Variants in WDR59 observed in about 807,000 individuals in gnomAD.
The protein encoded by WDR59 is GATOR2 complex protein WDR59.
A neutral mutation model predicts 131.2 loss-of-function variants in WDR59; 100 were observed. The observed-to-expected ratio is 0.76, with a 90% CI of 0.65 to 0.90. WDR59 has a LOEUF of 0.90. WDR59 is among the 40% of genes least tolerant of loss of function. WDR59 has a pLI of 0.00. For synonymous variants in WDR59, 601 were observed against 466.2 expected (o/e 1.29, Z -3.72); for missense variants, 1,203 against 1,262.2 (o/e 0.95, Z 0.71).
rs534928613 is a variant in WDR59, at chr16:74,972,092, A to G, written c.55-6270T>C. Among the ~76,000 whole-genome samples the G allele has an allele frequency of 2.9e-4, 44 of 152,328 alleles. No individual in the cohort carries two copies. The South Asian group carries it at 4.3e-3, about 15-fold the overall frequency. ...GTCCAGGACTGCTCTCTATCAAAAC[A>G]GGTATCTTTAAACAGAAGAGAATGA... On this transcript the variant is annotated intron_variant, in intron 1 of 25. Coordinates refer to ENST00000262144, the MANE Select transcript of WDR59 (RefSeq NM_030581.4).
At chr16:74,981,064 C>CA (rs34466011) in intron 1 of WDR59, among the ~76,000 whole-genome samples, 42,437 of 145,168 alleles carry the variant, frequency 0.29, 6,661 homozygotes, top group East Asian at 0.72. Flanking sequence ...CCCATCTCTG[C>CA]AAAAAAAAAC....
chr16:74,985,078 T>A lies in WDR59; in HGVS notation c.-61A>T. On this transcript the variant is annotated 5_prime_UTR_variant, in exon 1 of 26. Transcript: ENST00000262144. Reference sequence around the variant, plus strand: ...CCCTCCCACCCCGCCGTCCCCAGTATCCCGGGACCGTGCGCCCCACACAGC... The same window carrying A: ...CCCTCCCACCCCGCCGTCCCCAGTAACCCGGGACCGTGCGCCCCACACAGC... 1 of 1,483,898 alleles carries A rather than the reference T, an allele frequency of 6.7e-7. No homozygotes were observed. The highest frequency in any genetic ancestry group is 9.2e-7 in the Non-Finnish European group (1 of 1,087,598). The allele number at this position is 1,483,898 out of a possible 1,614,324, so 91.9% of individuals were successfully genotyped here.
chr16:74,916,407 C>T (rs915380147), intron 11 of WDR59, 148 bp from the exon 12 acceptor site: 1 of 984,410 alleles, frequency 1.0e-6, no homozygotes, highest in African/African-American at 1.6e-5. Flanking sequence ...AGATTTTACC[C>T]ATTGCCAACT....
At chr16:74,940,196 C>T (rs1000576890) in intron 7 of WDR59, among the ~76,000 whole-genome samples, 5 of 151,994 alleles carry the variant, frequency 3.3e-5, no homozygotes, top group South Asian at 2.1e-4. Context: ...CTGACCAACA[C>T]GGTGAAACCC....
intron 13 of WDR59, among the ~76,000 whole-genome samples, chr16:74,913,343 T>C (rs1272009868): frequency 1.3e-5 from 2 of 151,872 alleles, no homozygotes; most frequent in Non-Finnish European, 2.9e-5. Context: ...CTCAGCTCAC[T>C]GCAACCTCCA....
intron 1 of WDR59, among the ~76,000 whole-genome samples, chr16:74,977,618 G>A (rs1184152244): frequency 2.0e-5 from 3 of 152,174 alleles, no homozygotes; most frequent in Non-Finnish European, 4.4e-5. Context: ...AACCCGGGAG[G>A]CGGAGCTTGC....
chr16:74,982,347 G>C (rs977409898), intron 1 of WDR59, among the ~76,000 whole-genome samples: 3 of 151,960 alleles, frequency 2.0e-5, no homozygotes, highest in Non-Finnish European at 2.9e-5. Context: ...CTTGTAAATA[G>C]GAAAATCAGA....
At chr16:74,980,088 G>C (rs910351486) in intron 1 of WDR59, among the ~76,000 whole-genome samples, 5 of 149,854 alleles carry the variant, frequency 3.3e-5, no homozygotes, top group African/African-American at 1.2e-4. Context: ...CTCGACTCCT[G>C]ACACAGGTGA....
intron 25 of WDR59, among the ~76,000 whole-genome samples, chr16:74,884,398 G>C (rs1753461243): frequency 1.3e-5 from 2 of 152,232 alleles, no homozygotes. Context: ...ACCCAGGCTG[G>C]AGTGCAGTGG....
chr16:74,882,681 C>T (rs914262573), intron 25 of WDR59, among the ~76,000 whole-genome samples: 7 of 151,474 alleles, frequency 4.6e-5, no homozygotes, highest in Non-Finnish European at 7.4e-5. Context: ...TGGTGGCGGG[C>T]GCCTGTAGTC....
intron 2 of WDR59, among the ~76,000 whole-genome samples, chr16:74,958,592 C>CAAAAAAAAAAAA (rs747175030): frequency 0.01 from 138 of 13,238 alleles, 16 homozygotes; most frequent in East Asian, 0.016. Context: ...GACTCCATCT[C>CAAAAAAAAAAAA]AAAAAAAAAA....
chr16:74,883,010 T>C (rs1305784688), intron 25 of WDR59, among the ~76,000 whole-genome samples: 1 of 149,502 alleles, frequency 6.7e-6, no homozygotes, highest in African/African-American at 2.4e-5. Context: ...TTTCGTTTTT[T>C]TGTTTTTTGC....
intron 19 of WDR59, among the ~76,000 whole-genome samples, chr16:74,893,104 C>T (rs1965121492): frequency 1.3e-5 from 2 of 152,208 alleles, no homozygotes; most frequent in African/African-American, 4.8e-5. Context: ...TGTAAAGTAG[C>T]ATGCCTTGTA....
intron 3 of WDR59, among the ~76,000 whole-genome samples, chr16:74,953,472 CAAA>C (rs59976539): frequency 3.1e-5 from 3 of 97,246 alleles, no homozygotes; most frequent in Non-Finnish European, 4.2e-5. Flanking sequence ...GACTCCGTCT[CAAA>C]AAAAAAAAAA....
At chr16:74,882,224 T>C (rs1964519975) in intron 25 of WDR59, among the ~76,000 whole-genome samples, 2 of 152,234 alleles carry the variant, frequency 1.3e-5, no homozygotes, top group South Asian at 4.1e-4. Flanking sequence ...TCAGGTGTTT[T>C]CCTGAAAACT....
chr16:74,923,632 C>G (rs759177154), intron 9 of WDR59, among the ~76,000 whole-genome samples: 25 of 152,096 alleles, frequency 1.6e-4, no homozygotes, highest in Non-Finnish European at 3.2e-4. Flanking sequence ...CATATGCCAC[C>G]ACACCTGGCT....
At chr16:74,913,699 C>G (rs992745786) in intron 13 of WDR59, among the ~76,000 whole-genome samples, 5 of 152,120 alleles carry the variant, frequency 3.3e-5, no homozygotes, top group Non-Finnish European at 7.3e-5. Context: ...AAGTTAAATA[C>G]CAGACTCAAC....
intron 25 of WDR59, among the ~76,000 whole-genome samples, chr16:74,883,912 A>G (rs1964636194): frequency 6.6e-6 from 1 of 152,140 alleles, no homozygotes; most frequent in East Asian, 1.9e-4. Context: ...CGCCTATGCA[A>G]CTTCTCCAGT....
Position 74,916,028 on chromosome 16 carries a change from A to G in WDR59, c.1100-34T>C, listed in dbSNP as rs370743406. The G allele has an allele frequency of 6.4e-5, 104 of 1,613,996 alleles. 1 individual carries two copies. In the African/African-American group the frequency reaches 8.8e-4, roughly 14 times the overall value. On this transcript the variant is annotated intron_variant, in intron 12 of 25. Coordinates refer to ENST00000262144, the MANE Select transcript of WDR59 (RefSeq NM_030581.4). ...AGAGAGAAGTTCAATGTTGGAAAGC[A>G]TTTTTGAAAATGAAACAGAGAACAG...
Sources: gnomAD v4.1 joint callset for allele counts (sites outside exome capture counted in the v4.1 genomes callset) on GRCh38, gnomAD v4.1.1 for gene constraint, MANE v1.5 for transcripts, NCBI Gene and HGNC (gene_info 2026-07-23, HGNC 2026-07-21) for gene names.